SUCLG2: variants seen among roughly 807,000 people sequenced by gnomAD.
SUCLG2 encodes succinate--CoA ligase [GDP-forming] subunit beta, mitochondrial.
SUCLG2 carries 42 observed loss-of-function variants against 47.9 expected under a neutral mutation model. The ratio of observed to expected loss-of-function variants is 0.88; its 90% CI spans 0.69 to 1.14. The LOEUF (loss-of-function observed/expected upper bound fraction) is 1.14. Ranked by LOEUF, SUCLG2 falls within the 50% of genes most tolerant of loss-of-function variation. SUCLG2 has a pLI of 0.00. For synonymous variants in SUCLG2, 195 were observed against 197.3 expected, an observed-to-expected ratio of 0.99 and a Z score of 0.10; for missense variants, 571 against 525.9, an observed-to-expected ratio of 1.09 and a Z score of -0.84.
intron 9 of SUCLG2, chr3:67,408,596 G>T: frequency 5.0e-6 from 5 of 990,884 alleles, no homozygotes; most frequent in Non-Finnish European, 6.0e-6. Context: ...GCAGTCAGGG[G>T]AACCTAGGGA....
intron 6 of SUCLG2, among the ~76,000 whole-genome samples, chr3:67,515,019 C>A (rs1705902603): frequency 6.6e-6 from 1 of 152,074 alleles, no homozygotes; most frequent in Non-Finnish European, 1.5e-5. Flanking sequence ...CATGAGAAGC[C>A]CAATGCTACA....
At position 67,628,466 on chromosome 3, in the gene SUCLG2, C is replaced by T. The variant is rs139310337; in HGVS notation, c.85-18870G>A. Among the ~76,000 whole-genome samples the T allele has an allele frequency of 3.5e-3, 536 of 152,340 alleles. 6 individuals carry two copies. The highest frequency in any genetic ancestry group is 0.012 in the African/African-American group (517 of 41,574). On this transcript the variant is annotated intron_variant, in intron 1 of 10. Coordinates refer to ENST00000307227, the MANE Select transcript of SUCLG2 (RefSeq NM_003848.4). ...TAAGTAACCACAGATAGAAAGCAAA[C>T]TTCCATCGAAGAGAAGGGTGTCTAG... is the stretch of plus-strand genomic sequence containing the variant.
intron 6 of SUCLG2, among the ~76,000 whole-genome samples, chr3:67,516,946 T>A (rs1278249006): frequency 1.3e-5 from 2 of 152,176 alleles, no homozygotes; most frequent in African/African-American, 4.8e-5. Context: ...GCTGGTATCC[T>A]CATTCTCAGG....
At chr3:67,567,068 C>T (rs1707470414) in intron 2 of SUCLG2, among the ~76,000 whole-genome samples, 1 of 151,928 alleles carries the variant, frequency 6.6e-6, no homozygotes, top group Non-Finnish European at 1.5e-5. Flanking sequence ...CCTGTGGTCC[C>T]AGCTACTCGG....
intron 2 of SUCLG2, among the ~76,000 whole-genome samples, chr3:67,606,781 T>C (rs1700426323): frequency 6.6e-6 from 1 of 152,236 alleles, no homozygotes; most frequent in Non-Finnish European, 1.5e-5. Flanking sequence ...AATTAATTTC[T>C]TTCTAGAACA....
intron 1 of SUCLG2, among the ~76,000 whole-genome samples, chr3:67,627,038 G>A (rs1700844784): frequency 6.6e-6 from 1 of 151,944 alleles, no homozygotes; most frequent in Non-Finnish European, 1.5e-5. Context: ...CTAGAGATGG[G>A]TTGAAAGTAG....
chr3:67,506,162 A>G (rs1266837006), intron 7 of SUCLG2, among the ~76,000 whole-genome samples: 1 of 152,210 alleles, frequency 6.6e-6, no homozygotes, highest in Non-Finnish European at 1.5e-5. Context: ...ATAAATATTA[A>G]GATTATCAAT....
At chr3:67,444,643 GT>G (rs1703883424) in intron 9 of SUCLG2, among the ~76,000 whole-genome samples, 1 of 9,128 alleles carries the variant, frequency 1.1e-4, no homozygotes, top group African/African-American at 6.6e-4. Flanking sequence ...GGAGGTGGGG[GT>G]GTCAGTCCCC....
chr3:67,562,427 G>A (rs1707330927), intron 2 of SUCLG2, among the ~76,000 whole-genome samples: 1 of 152,082 alleles, frequency 6.6e-6, no homozygotes. Flanking sequence ...ACAGGCACAG[G>A]CCACCATGCC....
chr3:67,600,668 C>A (rs1279313760), intron 2 of SUCLG2, among the ~76,000 whole-genome samples: 1 of 152,164 alleles, frequency 6.6e-6, no homozygotes, highest in Admixed American at 6.6e-5. Context: ...ACTGTATTTC[C>A]CAGCCACCCT....
At chr3:67,603,314 TTTAA>T (rs1378505352) in intron 2 of SUCLG2, among the ~76,000 whole-genome samples, 3 of 152,242 alleles carry the variant, frequency 2.0e-5, no homozygotes, top group Non-Finnish European at 1.5e-5. Context: ...TTGCAATGTA[TTTAA>T]TTGACTATGG....
intron 2 of SUCLG2, among the ~76,000 whole-genome samples, chr3:67,602,479 C>T (rs539872337): frequency 6.6e-6 from 1 of 152,120 alleles, no homozygotes; most frequent in East Asian, 1.9e-4. Flanking sequence ...TACCACAAGA[C>T]ACTTAGGGAA....
intron 4 of SUCLG2, among the ~76,000 whole-genome samples, chr3:67,524,567 A>T (rs969927975): frequency 1.3e-5 from 2 of 152,220 alleles, no homozygotes; most frequent in Non-Finnish European, 2.9e-5. Flanking sequence ...TAGAAAACAA[A>T]TATCTGATGT....
At chr3:67,565,569 A>G (rs1174686570) in intron 2 of SUCLG2, among the ~76,000 whole-genome samples, 1 of 152,228 alleles carries the variant, frequency 6.6e-6, no homozygotes, top group Non-Finnish European at 1.5e-5. Context: ...CAACAGCATG[A>G]GATATGCCAC....
At chr3:67,463,768 CAG>C (rs1254744429) in intron 9 of SUCLG2, among the ~76,000 whole-genome samples, 1 of 152,080 alleles carries the variant, frequency 6.6e-6, no homozygotes, top group African/African-American at 2.4e-5. Context: ...CTTTGGTAAC[CAG>C]AGATTATGCC....
intron 1 of SUCLG2, among the ~76,000 whole-genome samples, chr3:67,616,488 C>G (rs1210749445): frequency 6.6e-6 from 1 of 152,142 alleles, no homozygotes; most frequent in Non-Finnish European, 1.5e-5. Context: ...GTTCACCAAG[C>G]TATTGCCAGT....
intron 8 of SUCLG2, among the ~76,000 whole-genome samples, 171 bp downstream of exon 8, chr3:67,497,963 A>G (rs1705391605): frequency 6.6e-6 from 1 of 152,172 alleles, no homozygotes; most frequent in Non-Finnish European, 1.5e-5. Context: ...TACACCAGTG[A>G]CCATTAATCA....
chr3:67,488,763 C>T (rs756994347), intron 9 of SUCLG2, among the ~76,000 whole-genome samples: 3 of 152,120 alleles, frequency 2.0e-5, no homozygotes, highest in Non-Finnish European at 1.5e-5. Context: ...AACAACAACC[C>T]TAACTCTTCT....
chr3:67,474,731 T>A (rs1704701549), intron 9 of SUCLG2, among the ~76,000 whole-genome samples: 1 of 152,212 alleles, frequency 6.6e-6, no homozygotes. Context: ...GTCCTGGTTA[T>A]TTGCAGTTTT....
Sources: allele counts gnomAD v4.1 joint callset (sites outside exome capture counted in the v4.1 genomes callset), GRCh38; gene constraint gnomAD v4.1.1; transcripts MANE v1.5; gene names NCBI Gene and HGNC (gene_info 2026-07-23, HGNC 2026-07-21).